The following PCDHA5 variants were observed in gnomAD, a reference collection of about 807,000 sequenced individuals.
PCDHA5 encodes protocadherin alpha-5.
In PCDHA5, 43 loss-of-function variants were observed where a neutral mutation model predicts 61.6. The observed-to-expected ratio is 0.70, with a 90% CI of 0.55 to 0.90. The LOEUF (loss-of-function observed/expected upper bound fraction) is 0.90, where lower values mean the gene tolerates loss of function less well. PCDHA5 is among the 40% of genes least tolerant of loss of function. The pLI is 0.00. For synonymous variants in PCDHA5, 627 were observed against 543.9 expected, an observed-to-expected ratio of 1.15 and a Z score of -2.13; for missense variants, 1,298 against 1,222.7, an observed-to-expected ratio of 1.06 and a Z score of -0.92.
At chr5:140,996,098 A>G (rs1173929406) in intron 3 of PCDHA5, among the ~76,000 whole-genome samples, 1 of 152,214 alleles carries the variant, frequency 6.6e-6, no homozygotes, top group Non-Finnish European at 1.5e-5. Context: ...ATTACATGGA[A>G]TGGTATGGAA....
intron 1 of PCDHA5, among the ~76,000 whole-genome samples, chr5:140,832,378 A>G (rs1554133521): frequency 6.6e-6 from 1 of 152,196 alleles, no homozygotes; most frequent in Non-Finnish European, 1.5e-5. Context: ...CCATTCTTGA[A>G]ATGGCAGAAA....
intron 1 of PCDHA5, chr5:140,850,325 G>A (rs1554144196): frequency 2.5e-6 from 4 of 1,597,604 alleles, no homozygotes; most frequent in Non-Finnish European, 1.7e-6. Context: ...TTTCATACGA[G>A]CTGCAGCCAG....
rs1323301501 is a variant in PCDHA5, at chr5:140,843,782, T to C, written c.2352+19655T>C. 2.1e-6 allele frequency: 3 copies of C among 1,427,592 alleles called. No homozygotes were observed. In the African/African-American group the frequency reaches 4.2e-5, roughly 20 times the overall value. 88.4% of individuals were successfully genotyped at this position (1,427,592 alleles called of 1,614,324 possible). A position where few individuals can be genotyped will look rare whatever the true frequency, so the allele number is the denominator to read the frequency against. On this transcript the variant is annotated intron_variant, in intron 1 of 3. Coordinates refer to ENST00000529859, the MANE Select transcript of PCDHA5 (RefSeq NM_018908.3). ...GAAATTGTAGTTACTTTAAAAGTGT[T>C]TCAGATTTAGTTTTTCACCGTATTT...
At chr5:140,873,494 T>C (rs2153295972) in intron 1 of PCDHA5, among the ~76,000 whole-genome samples, 1 of 152,254 alleles carries the variant, frequency 6.6e-6, no homozygotes, top group South Asian at 2.1e-4. Flanking sequence ...TTCTGCAAAG[T>C]TGTGTCTTTT....
At chr5:140,902,189 C>T (rs2069172292) in intron 1 of PCDHA5, among the ~76,000 whole-genome samples, 1 of 145,890 alleles carries the variant, frequency 6.9e-6, no homozygotes, top group African/African-American at 2.6e-5. Flanking sequence ...TATGTCTTCT[C>T]TCTCTCTCTC....
intron 3 of PCDHA5, among the ~76,000 whole-genome samples, chr5:141,004,496 C>T (rs1179748811): frequency 6.6e-6 from 1 of 152,152 alleles, no homozygotes; most frequent in Non-Finnish European, 1.5e-5. Context: ...CTTGGCAGTC[C>T]TGCTGTGAGG....
Position 140,849,717 on chromosome 5 carries a change from G to C in PCDHA5, c.2352+25590G>C, listed in dbSNP as rs141495063. The C allele has an allele frequency of 1.2e-4, 185 of 1,598,594 alleles. 18 individuals are homozygous for C. In the Middle Eastern group the frequency reaches 1.2e-3, roughly 10 times the overall value. ...CACCTACAAGAATTACTACTCGTTG[G>C]TGCTGGACAGAGCTCTGGACCGCGA... On this transcript the variant is annotated intron_variant, in intron 1 of 3. Coordinates refer to ENST00000529859, the MANE Select transcript of PCDHA5 (RefSeq NM_018908.3).
intron 1 of PCDHA5, chr5:140,882,678 A>G: frequency 6.2e-7 from 1 of 1,614,250 alleles, no homozygotes; most frequent in East Asian, 2.2e-5. Flanking sequence ...CCTGAAAGCA[A>G]GAAACGAATA....
chr5:140,822,238 G>A lies in PCDHA5; in HGVS notation c.463G>A (p.Gly155Ser). 6.2e-7 allele frequency: 1 copy of A among 1,614,216 alleles called. No individual in the cohort carries two copies. Among genetic ancestry groups the A allele is most frequent in the South Asian group, 1.1e-5 (1 of 91,090 alleles). The change falls in exon 1 of 4, where the codon GGC becomes AGC. Residue 155 changes from glycine to serine, a missense_variant. Transcript: ENST00000529859. ...GCCAGATTCGCGGTTTCCGCTAGAG[G>A]GCGCGTCGGATTTGGATATTGGAGC... ...RMPDSRFPLE[G>S]ASDLDIGANA... is the part of the protein sequence containing the mutation.
intron 1 of PCDHA5, among the ~76,000 whole-genome samples, chr5:140,881,757 A>T (rs1238055344): frequency 6.6e-6 from 1 of 152,166 alleles, no homozygotes; most frequent in African/African-American, 2.4e-5. Flanking sequence ...TACCACAAAA[A>T]CCTACATGAC....
intron 1 of PCDHA5, chr5:140,853,694 G>A (rs1425849966): frequency 1.0e-6 from 1 of 988,064 alleles, no homozygotes; most frequent in African/African-American, 1.8e-5. Context: ...CCTTAGACCT[G>A]CTAACGCATT....
At chr5:140,968,818 T>C in intron 1 of PCDHA5, 1 of 1,614,188 alleles carries the variant, frequency 6.2e-7, no homozygotes, top group South Asian at 1.1e-5. Flanking sequence ...TGGATAGGGT[T>C]TCCAAAATCC....
rs145659771 is a variant in PCDHA5, at chr5:140,828,940, C to T, written c.2352+4813C>T. 1.3e-4 allele frequency: 202 copies of T among 1,614,160 alleles called. No individual in the cohort carries two copies. The Middle Eastern group carries it at 2.5e-3, about 20-fold the overall frequency. ...GGGCAATTTCATATTCTTTTAATAG[C>T]CTTGTTGCAGCCATGGTTATTGACC... On this transcript the variant is annotated intron_variant, in intron 1 of 3. Coordinates refer to ENST00000529859, the MANE Select transcript of PCDHA5 (RefSeq NM_018908.3).
rs201945218 is a variant in PCDHA5 at position 140,849,444 on chromosome 5, A to C, written c.2352+25317A>C. On this transcript the variant is annotated intron_variant, in intron 1 of 3. Transcript: ENST00000529859. Reference sequence around the variant, plus strand: ...GGATTTTGAAGAAAGTAGAGCACACAAGATCCCAGTCGAGGCTGTCGATAA... The same window carrying C: ...GGATTTTGAAGAAAGTAGAGCACACCAGATCCCAGTCGAGGCTGTCGATAA... The C allele has an allele frequency of 1.8e-4, 290 of 1,585,348 alleles. 21 individuals carry two copies. The highest frequency in any genetic ancestry group is 2.4e-4 in the Non-Finnish European group (278 of 1,160,480).
chr5:140,850,114 C>T (rs2150468329), intron 1 of PCDHA5: 2 of 1,595,992 alleles, frequency 1.3e-6, no homozygotes, highest in Non-Finnish European at 1.7e-6. Context: ...GCGCGCGACG[C>T]GGGCGTGCCG....
At chr5:140,871,190 A>G (rs1554165248) in intron 1 of PCDHA5, 9 of 1,613,526 alleles carry the variant, frequency 5.6e-6, no homozygotes, top group Admixed American at 3.3e-5. Flanking sequence ...GTGGATGTCA[A>G]CGTGTACCTG....
chr5:140,967,888 G>A, intron 1 of PCDHA5: 1 of 1,614,138 alleles, frequency 6.2e-7, no homozygotes, highest in South Asian at 1.1e-5. Context: ...ATAGCCCAGT[G>A]CCTGAGAATG....
intron 1 of PCDHA5, chr5:140,862,841 C>A (rs782790470): frequency 7.0e-5 from 40 of 573,022 alleles, no homozygotes; most frequent in South Asian, 4.5e-4. Flanking sequence ...GCGGGCATGC[C>A]GCCTCTGAGC....
rs538024116 is a variant in PCDHA5 at position 140,945,235 on chromosome 5, T to C, written c.2353-33714T>C. Among the ~76,000 whole-genome samples the C allele has an allele frequency of 1.1e-4, 17 of 152,128 alleles. No homozygotes were observed. In the South Asian group the frequency reaches 3.5e-3, roughly 32 times the overall value. On this transcript the variant is annotated intron_variant, in intron 1 of 3. Coordinates refer to ENST00000529859, the MANE Select transcript of PCDHA5 (RefSeq NM_018908.3). ...GAAAATAAAAATACTTAGGAATAAA[T>C]TTAACCAAGAGGATGAAAGACCTGC...
Sources: gnomAD v4.1 joint callset for allele counts (sites outside exome capture counted in the v4.1 genomes callset) on GRCh38, gnomAD v4.1.1 for gene constraint, MANE v1.5 for transcripts, NCBI Gene and HGNC (gene_info 2026-07-23, HGNC 2026-07-21) for gene names.